PDE4D: variants seen among roughly 807,000 people sequenced by gnomAD.
PDE4D encodes the protein phosphodiesterase 4D.
Under a neutral mutation model 87.4 loss-of-function variants are expected in PDE4D, and 24 were observed. That is an observed-to-expected ratio of 0.27 (90% CI 0.20 to 0.39). The LOEUF is 0.39. PDE4D is among the 10% of genes least tolerant of loss of function. The pLI is 1.00. For missense variants in PDE4D, 714 were observed against 1,041.0 expected, an observed-to-expected ratio of 0.69 and a Z score of 4.32; for synonymous variants, 384 against 383.2, an observed-to-expected ratio of 1.00 and a Z score of -0.02.
chr5:59,714,711 TC>T, intron 1 of PDE4D, among the ~76,000 whole-genome samples: 1 of 152,374 alleles, frequency 6.6e-6, no homozygotes, highest in South Asian at 2.1e-4. Context: ...CAGTGGACTT[TC>T]ATAGTGTTGC....
intron 1 of PDE4D, among the ~76,000 whole-genome samples, chr5:59,237,065 A>G (rs1157507729): frequency 6.6e-6 from 1 of 152,134 alleles, no homozygotes; most frequent in Non-Finnish European, 1.5e-5. Context: ...AGTATGTGTT[A>G]CAGATAATGA....
chr5:60,238,743 T>A (rs898837113), intron 1 of PDE4D, among the ~76,000 whole-genome samples: 12 of 152,156 alleles, frequency 7.9e-5, no homozygotes, highest in African/African-American at 2.9e-4. Flanking sequence ...ACAAAATGCA[T>A]ATTAATTTTT....
At chr5:60,123,022 A>G (rs925148345) in intron 2 of PDE4D, among the ~76,000 whole-genome samples, 1 of 152,168 alleles carries the variant, frequency 6.6e-6, no homozygotes, top group Non-Finnish European at 1.5e-5. Flanking sequence ...CTAAAACATA[A>G]TAAGAATCAC....
At chr5:59,753,485 C>A (rs558029094) in intron 1 of PDE4D, among the ~76,000 whole-genome samples, 2 of 151,938 alleles carry the variant, frequency 1.3e-5, no homozygotes, top group Non-Finnish European at 2.9e-5. Context: ...GGATCTTCCA[C>A]GTGGAAATGT....
intron 1 of PDE4D, among the ~76,000 whole-genome samples, chr5:59,849,218 T>TA (rs1216031661): frequency 2.6e-5 from 4 of 151,710 alleles, no homozygotes; most frequent in Admixed American, 6.6e-5. Context: ...TCTGGAAAAC[T>TA]AAAAAAAATT....
At chr5:59,500,944 A>G (rs955470785) in intron 1 of PDE4D, among the ~76,000 whole-genome samples, 2 of 151,728 alleles carry the variant, frequency 1.3e-5, no homozygotes. Context: ...ATTTTTCCAT[A>G]TTATAGCCTC....
At chr5:59,518,453 T>C (rs1811574982) in intron 1 of PDE4D, among the ~76,000 whole-genome samples, 1 of 152,122 alleles carries the variant, frequency 6.6e-6, no homozygotes, top group Non-Finnish European at 1.5e-5. Flanking sequence ...CTGTGCACTA[T>C]GGTGGCTGCC....
rs1759291209 is a variant in PDE4D, at chr5:60,352,506, GGTGATA to G, written c.-90+135430_-90+135435del. ...GAGAGTAAAACTAAATGGCTTACCT[GGTGATA>G]GGACCCACTGCTTTGGCCTCTAATT... On this transcript the variant is annotated intron_variant, in intron 1 of 16. Transcript: ENST00000502484. Among the ~76,000 whole-genome samples the G allele has an allele frequency of 7.2e-5, 11 of 152,338 alleles. No homozygotes were observed. The South Asian group carries it at 2.3e-3, about 32-fold the overall frequency.
intron 1 of PDE4D, among the ~76,000 whole-genome samples, chr5:60,398,825 G>A (rs1025415400): frequency 6.6e-6 from 1 of 151,960 alleles, no homozygotes; most frequent in African/African-American, 2.4e-5. Flanking sequence ...TTTTTCAAAT[G>A]AGAAACAGAC....
At chr5:59,071,050 T>G (rs1764708043) in intron 5 of PDE4D, among the ~76,000 whole-genome samples, 1 of 152,216 alleles carries the variant, frequency 6.6e-6, no homozygotes, top group African/African-American at 2.4e-5. Context: ...GAAATAATCT[T>G]TATTCCATGC....
chr5:59,120,285 T>G (rs1476119430), intron 5 of PDE4D, among the ~76,000 whole-genome samples: 1 of 152,226 alleles, frequency 6.6e-6, no homozygotes, highest in Non-Finnish European at 1.5e-5. Flanking sequence ...TTTAATTTTG[T>G]TCAAGGTTGT....
chr5:59,203,589 G>C (rs967787248), intron 2 of PDE4D, among the ~76,000 whole-genome samples: 1 of 151,812 alleles, frequency 6.6e-6, no homozygotes, highest in African/African-American at 2.4e-5. Flanking sequence ...ATCAACTTAA[G>C]TGTCTAACAA....
In PDE4D at chr5:59,586,241, CT is replaced by C. The variant is rs1227307535; in HGVS notation, c.455+306926del. 3 of 977,242 alleles carry C rather than the reference CT, an allele frequency of 3.1e-6. No homozygotes were observed. In the East Asian group the frequency reaches 7.2e-5, roughly 23 times the overall value. The allele number at this position is 977,242 out of a possible 1,614,324, so 60.5% of individuals were successfully genotyped here. Reference sequence around the variant, plus strand: ...TTCATTCTCACTTGATACCAATACTCTAGTTCAAGACAAATCCTCATCTGGT... The same window carrying C: ...TTCATTCTCACTTGATACCAATACTCAGTTCAAGACAAATCCTCATCTGGT... On this transcript the variant is annotated intron_variant, in intron 1 of 14. Coordinates refer to ENST00000340635, the MANE Select transcript of PDE4D (RefSeq NM_001104631.2).
chr5:59,627,993 G>C (rs991942575), intron 1 of PDE4D, among the ~76,000 whole-genome samples: 3 of 152,120 alleles, frequency 2.0e-5, no homozygotes, highest in African/African-American at 4.8e-5. Flanking sequence ...TCTTAAAGTT[G>C]TGTAAAACAG....
At chr5:59,686,779 T>C (rs1356455557) in intron 1 of PDE4D, among the ~76,000 whole-genome samples, 1 of 152,184 alleles carries the variant, frequency 6.6e-6, no homozygotes. Flanking sequence ...CTGCTGATTA[T>C]TTGAAGGTGA....
chr5:59,254,186 T>C (rs974289437), intron 1 of PDE4D, among the ~76,000 whole-genome samples: 2 of 152,032 alleles, frequency 1.3e-5, no homozygotes, highest in African/African-American at 4.8e-5. Flanking sequence ...TGGAGAAGAA[T>C]GTACAAAAAA....
intron 2 of PDE4D, among the ~76,000 whole-genome samples, chr5:60,130,967 A>T (rs1046090232): frequency 1.3e-5 from 2 of 152,110 alleles, no homozygotes; most frequent in Non-Finnish European, 2.9e-5. Context: ...TGTAAAGATT[A>T]TTTTCTGCAA....
At chr5:59,494,046 C>A (rs1806695260) in intron 1 of PDE4D, among the ~76,000 whole-genome samples, 1 of 152,132 alleles carries the variant, frequency 6.6e-6, no homozygotes, top group African/African-American at 2.4e-5. Flanking sequence ...TTGGCTTTGA[C>A]CCTAGTAACC....
chr5:60,473,182 A>AGG (rs1747983929), intron 1 of PDE4D, among the ~76,000 whole-genome samples: 16 of 144,856 alleles, frequency 1.1e-4, no homozygotes, highest in South Asian at 4.5e-4. Context: ...GAAGGAAGGA[A>AGG]AAAGAAAGAA....
Sources: allele counts gnomAD v4.1 joint callset (sites outside exome capture counted in the v4.1 genomes callset), GRCh38; gene constraint gnomAD v4.1.1; transcripts MANE v1.5; gene names NCBI Gene and HGNC (gene_info 2026-07-23, HGNC 2026-07-21).